The following TMBIM4 variants were observed in gnomAD, a reference collection of about 807,000 sequenced individuals.
TMBIM4 encodes transmembrane BAX inhibitor motif containing 4, also known as protein lifeguard 4.
A neutral mutation model predicts 27.7 loss-of-function variants in TMBIM4; 28 were observed. That is an observed-to-expected ratio of 1.01 (90% CI 0.75 to 1.38). TMBIM4 has a LOEUF of 1.38. Ranked by LOEUF, TMBIM4 falls within the 40% of genes most tolerant of loss-of-function variation. The pLI is 0.00. For missense variants in TMBIM4, 265 were observed against 277.5 expected (o/e 0.95, Z 0.32); for synonymous variants, 115 against 113.1 (o/e 1.02, Z -0.11).
At chr12:66,152,160 T>TA (rs150814684) in intron 3 of TMBIM4, 111 bp downstream of exon 3, 105 of 477,576 alleles carry the variant, frequency 2.2e-4, no homozygotes, top group South Asian at 7.4e-4. Context: ...TAAAGTACTC[T>TA]AAAAAAAACT....
At chr12:66,145,231 CAG>C (rs1311265204) in intron 5 of TMBIM4, 1 of 152,122 alleles carries the variant, frequency 6.6e-6, no homozygotes, top group African/African-American at 2.4e-5. Flanking sequence ...TTAGCAAGAG[CAG>C]AGTTTTGTAA....
intron 5 of TMBIM4, chr12:66,139,654 G>A: frequency 2.2e-6 from 1 of 456,040 alleles, no homozygotes; most frequent in Non-Finnish European, 4.4e-6. Context: ...TTGCAGGGCA[G>A]AATATCAGAA....
Position 66,169,883 on chromosome 12 carries a change from C to G in TMBIM4, c.69G>C (p.Val23=). 4 of 1,504,708 alleles carry G rather than the reference C, an allele frequency of 2.7e-6. No homozygotes were observed. Among genetic ancestry groups the G allele is most frequent in the Non-Finnish European group, 3.5e-6 (4 of 1,128,446 alleles). The allele number at this position is 1,504,708 out of a possible 1,614,324, so 93.2% of individuals were successfully genotyped here. A position where few individuals can be genotyped will look rare whatever the true frequency, so the allele number is the denominator to read the frequency against. The change falls in exon 1 of 7, where the codon GTG becomes GTC. Residue 23 remains valine (V), a synonymous_variant. Coordinates refer to ENST00000358230, the MANE Select transcript of TMBIM4 (RefSeq NM_016056.4). Reference sequence around the variant, plus strand: ...TTCGGATGTGCACGGTGGCGGAGGCCACGCTGCTGCCATAGTTGAAGTCGT... The same window carrying G: ...TTCGGATGTGCACGGTGGCGGAGGCGACGCTGCTGCCATAGTTGAAGTCGT... ...IEDDFNYGSS[V]ASATVHIRMA... is the part of the protein sequence containing the mutation.
intron 4 of TMBIM4, 119 bp downstream of exon 4, chr12:66,147,789 A>C (rs2051775606): frequency 2.8e-6 from 2 of 709,386 alleles, no homozygotes; most frequent in South Asian, 4.4e-5. Flanking sequence ...GTCCTATGCT[A>C]TATTTCTGAA....
intron 1 of TMBIM4, among the ~76,000 whole-genome samples, chr12:66,167,357 A>T (rs752569054): frequency 2.0e-5 from 3 of 152,234 alleles, no homozygotes; most frequent in Non-Finnish European, 4.4e-5. Context: ...GGAAAAGCAG[A>T]AAGGGTATAT....
rs1271530556 is a variant in TMBIM4, at chr12:66,169,927, G to T, written c.25C>A (p.Pro9Thr). 2 of 1,494,436 alleles carry T rather than the reference G, an allele frequency of 1.3e-6. No individual in the cohort carries two copies. The highest frequency in any genetic ancestry group is 2.6e-5 in the Admixed American group (1 of 38,702). 92.6% of individuals were successfully genotyped at this position (1,494,436 alleles called of 1,614,324 possible). Residue 9 changes from proline (P) to threonine (T), a missense_variant, in exon 1 of 7, where the codon CCT (proline) becomes ACT (threonine). Pro to Thr is a conservative substitution (Grantham distance 38, BLOSUM62 -1). Coordinates refer to ENST00000358230, the MANE Select transcript of TMBIM4 (RefSeq NM_016056.4). Reference protein sequence around the residue: MADPDPRYPRSSIEDDFNY... With the variant: MADPDPRYTRSSIEDDFNY... ...AAGTCGTCCTCGATCGAGGAGCGAG[G>T]GTACCGGGGGTCGGGGTCAGCCATG...
At chr12:66,141,046 T>G (rs1002679873) in intron 5 of TMBIM4, among the ~76,000 whole-genome samples, 6 of 151,600 alleles carry the variant, frequency 4.0e-5, no homozygotes, top group Non-Finnish European at 8.8e-5. Flanking sequence ...AAAAATAACT[T>G]TCAAAAATAA....
intron 6 of TMBIM4, 71 bp downstream of exon 6, chr12:66,138,653 A>C (rs1592531482): frequency 8.7e-7 from 1 of 1,148,506 alleles, no homozygotes; most frequent in Middle Eastern, 2.0e-4. Flanking sequence ...TATCTCTTAT[A>C]GCTTTTTGAG....
At chr12:66,147,885 A>G in intron 4 of TMBIM4, 23 bp downstream of exon 4, 1 of 1,603,040 alleles carries the variant, frequency 6.2e-7, no homozygotes, top group Non-Finnish European at 8.5e-7. Flanking sequence ...ATTATAACAT[A>G]TAGAAATGCA....
chr12:66,147,864 A>G (rs1041422262), intron 4 of TMBIM4, 44 bp downstream of exon 4: 3 of 1,548,484 alleles, frequency 1.9e-6, no homozygotes, highest in Non-Finnish European at 2.7e-6. Flanking sequence ...ATCTATCTAC[A>G]TTAAAAAGTT....
intron 3 of TMBIM4, among the ~76,000 whole-genome samples, chr12:66,151,002 A>G (rs1229456964): frequency 1.3e-5 from 2 of 152,134 alleles, no homozygotes; most frequent in African/African-American, 4.8e-5. Context: ...TGGGTTCTCA[A>G]GCTCTTACAT....
chr12:66,139,470 C>A (rs2051631365), intron 5 of TMBIM4, among the ~76,000 whole-genome samples: 1 of 152,150 alleles, frequency 6.6e-6, no homozygotes. Flanking sequence ...GCAAACAGCA[C>A]AGGACAGGGA....
chr12:66,151,951 T>C (rs917717984), intron 3 of TMBIM4, among the ~76,000 whole-genome samples: 1 of 152,188 alleles, frequency 6.6e-6, no homozygotes, highest in Non-Finnish European at 1.5e-5. Flanking sequence ...CAAGGATTTA[T>C]CTACTTTAAA....
At chr12:66,142,172 G>A (rs755117531) in intron 5 of TMBIM4, among the ~76,000 whole-genome samples, 2 of 151,944 alleles carry the variant, frequency 1.3e-5, no homozygotes, top group African/African-American at 4.8e-5. Flanking sequence ...ATGAAGGCAT[G>A]ATGAGAATCT....
At chr12:66,149,444 C>CAAAAAAAA (rs61425460) in intron 3 of TMBIM4, among the ~76,000 whole-genome samples, 7 of 74,426 alleles carry the variant, frequency 9.4e-5, no homozygotes, top group Non-Finnish European at 1.2e-4. Context: ...GACCCTGTCT[C>CAAAAAAAA]AAAAAAAAAA....
chr12:66,169,759 G>A (rs2052203537), intron 1 of TMBIM4, 96 bp downstream of exon 1: 1 of 978,822 alleles, frequency 1.0e-6, no homozygotes, highest in Non-Finnish European at 1.4e-6. Flanking sequence ...TGAGTCCCAG[G>A]AGATGGCCGC....
intron 1 of TMBIM4, among the ~76,000 whole-genome samples, chr12:66,157,617 A>G (rs553647568): frequency 6.6e-6 from 1 of 152,296 alleles, no homozygotes; most frequent in Admixed American, 6.5e-5. Flanking sequence ...CAATAGATGA[A>G]AGCTGGCAGA....
intron 1 of TMBIM4, among the ~76,000 whole-genome samples, chr12:66,162,089 G>A (rs900555021): frequency 1.3e-5 from 2 of 151,482 alleles, no homozygotes; most frequent in African/African-American, 4.9e-5. Context: ...AAAAAAAAAG[G>A]CCATTCTTCT....
rs1253892053 is a variant in TMBIM4 at position 66,136,408 on chromosome 12, C to A, written c.*1552G>T. 1.3e-5 allele frequency: 2 copies of A among 154,204 alleles called. No individual in the cohort carries two copies. The highest frequency in any genetic ancestry group is 2.4e-5 in the African/African-American group (1 of 41,488). 9.6% of individuals were successfully genotyped at this position (154,204 alleles called of 1,614,324 possible). A position where few individuals can be genotyped will look rare whatever the true frequency, so the allele number is the denominator to read the frequency against. The stretch of plus-strand genomic sequence containing the variant: ...AATTTACATCTACAAATCATGCAAG[C>A]TTAAATTGATACTACAAGTTTATTT... On this transcript the variant is annotated 3_prime_UTR_variant, in exon 7 of 7. Transcript: ENST00000358230.
Sources: allele counts gnomAD v4.1 joint callset (sites outside exome capture counted in the v4.1 genomes callset), GRCh38; gene constraint gnomAD v4.1.1; transcripts MANE v1.5; gene names NCBI Gene and HGNC (gene_info 2026-07-23, HGNC 2026-07-21).